The following CTXND2 variants were observed in gnomAD, a reference collection of about 807,000 sequenced individuals.
CTXND2 encodes the protein cortexin domain containing 2.
intron 1 of CTXND2, among the ~76,000 whole-genome samples, chr1:150,901,920 C>T (rs1669043274): frequency 6.7e-6 from 1 of 149,296 alleles, no homozygotes; most frequent in South Asian, 2.1e-4. Context: ...AGTGAGATTC[C>T]ATCTAAAAAA....
At chr1:150,908,977 C>T (rs1272734483) in intron 1 of CTXND2, among the ~76,000 whole-genome samples, 4 of 151,968 alleles carry the variant, frequency 2.6e-5, no homozygotes, top group Non-Finnish European at 5.9e-5. Flanking sequence ...CAGTGGGTCA[C>T]GCCTGTAATC....
At chr1:150,900,671 G>A (rs1571601327) in intron 1 of CTXND2, among the ~76,000 whole-genome samples, 1 of 151,736 alleles carries the variant, frequency 6.6e-6, no homozygotes, top group Non-Finnish European at 1.5e-5. Flanking sequence ...AAAAAACCCT[G>A]ACGAATAGTG....
rs587598084 is a variant in CTXND2 at position 150,899,944 on chromosome 1, C to T, written c.-73-12298C>T. 5.3e-5 allele frequency among the ~76,000 whole-genome samples: 8 copies of T among 152,248 alleles called. No individual in the cohort carries two copies. In the South Asian group the frequency reaches 1.2e-3, roughly 24 times the overall value. On this transcript the variant is annotated intron_variant, in intron 1 of 1. Coordinates refer to ENST00000636087, the Ensembl canonical transcript of CTXND2. ...CTCTGTCTAGCTAAAGATCTGTAAA[C>T]GCACCAATCAGCACTCTGTAAAAAC...
At chr1:150,900,838 AAAAC>A (rs1257807798) in intron 1 of CTXND2, among the ~76,000 whole-genome samples, 2 of 152,226 alleles carry the variant, frequency 1.3e-5, no homozygotes, top group African/African-American at 2.4e-5. Context: ...AACTGTTAAA[AAAAC>A]AATTCGAGAC....
chr1:150,902,935 A>G (rs893199920), intron 1 of CTXND2, among the ~76,000 whole-genome samples: 3 of 151,968 alleles, frequency 2.0e-5, no homozygotes, highest in African/African-American at 7.2e-5. Context: ...AAGAAAACCT[A>G]TTGCCTCTTT....
chr1:150,898,496 G>A (rs1668941020), intron 1 of CTXND2, among the ~76,000 whole-genome samples: 1 of 152,078 alleles, frequency 6.6e-6, no homozygotes, highest in South Asian at 2.1e-4. Context: ...GGTGGCTCAA[G>A]CTTGTAATCC....
intron 1 of CTXND2, among the ~76,000 whole-genome samples, chr1:150,892,884 A>T (rs1668871148): frequency 6.6e-6 from 1 of 152,100 alleles, no homozygotes; most frequent in South Asian, 2.1e-4. Context: ...CATACGTTTA[A>T]GAAAATTGAT....
At chr1:150,887,262 G>A (rs1668786681) in exon 1 of CTXND2, 1 of 152,184 alleles carries the variant, frequency 6.6e-6, no homozygotes, top group African/African-American at 2.4e-5. Flanking sequence ...TGAGTAGGAG[G>A]AGACTGCCCT....
At chr1:150,897,527 T>C (rs587769650) in intron 1 of CTXND2, among the ~76,000 whole-genome samples, 8 of 152,238 alleles carry the variant, frequency 5.3e-5, no homozygotes, top group African/African-American at 1.9e-4. Context: ...TTTCTCCATG[T>C]TGCCTAGGCT....
At chr1:150,890,995 G>A (rs1668842882) in intron 1 of CTXND2, among the ~76,000 whole-genome samples, 2 of 152,056 alleles carry the variant, frequency 1.3e-5, no homozygotes, top group Non-Finnish European at 1.5e-5. Flanking sequence ...ACCACTCCCA[G>A]CTGAGTTTAT....
rs1007351792 is a variant in CTXND2 at position 150,901,085 on chromosome 1, C to T, written c.-73-11157C>T. Among the ~76,000 whole-genome samples, 7 of 152,256 alleles carry T rather than the reference C, an allele frequency of 4.6e-5. No individual in the cohort carries two copies. The East Asian group carries it at 5.8e-4, about 13-fold the overall frequency. ...CACGATCATGCCACTGCACTCCAGCCTGGGTGACAGAGTGAGACCCTGTCT... is the reference window on the plus strand; with the variant it reads ...CACGATCATGCCACTGCACTCCAGCTTGGGTGACAGAGTGAGACCCTGTCT... On this transcript the variant is annotated intron_variant, in intron 1 of 1. Transcript: ENST00000636087.
At chr1:150,892,528 CTTTTTTTTTT>C (rs5777740) in intron 1 of CTXND2, among the ~76,000 whole-genome samples, 218 of 123,338 alleles carry the variant, frequency 1.8e-3, no homozygotes, top group African/African-American at 6.2e-3. Context: ...TCTTCTTCTT[CTTTTTTTTTT>C]TTTTTTTTTT....
intron 1 of CTXND2, among the ~76,000 whole-genome samples, chr1:150,895,054 CATATATATATAT>C (rs766325719): frequency 6.7e-6 from 1 of 149,272 alleles, no homozygotes; most frequent in African/African-American, 2.5e-5. Context: ...TATATATATA[CATATATATATAT>C]ATGATGCTTT....
At chr1:150,893,206 T>C in intron 1 of CTXND2, among the ~76,000 whole-genome samples, 1 of 152,226 alleles carries the variant, frequency 6.6e-6, no homozygotes, top group Non-Finnish European at 1.5e-5. Context: ...ATGTATCTTA[T>C]CCAGCCACCT....
chr1:150,902,167 A>C (rs1168769454), intron 1 of CTXND2, among the ~76,000 whole-genome samples: 1 of 151,454 alleles, frequency 6.6e-6, no homozygotes, highest in Non-Finnish European at 1.5e-5. Flanking sequence ...TTTGGGGGGC[A>C]GAGGCGGGCA....
intron 1 of CTXND2, among the ~76,000 whole-genome samples, chr1:150,909,879 T>C (rs1047241316): frequency 1.3e-5 from 2 of 152,080 alleles, no homozygotes; most frequent in African/African-American, 2.4e-5. Flanking sequence ...GAGGTTTATA[T>C]AGCAAGGAAG....
At chr1:150,898,059 AT>A (rs1426876779) in intron 1 of CTXND2, among the ~76,000 whole-genome samples, 1 of 152,000 alleles carries the variant, frequency 6.6e-6, no homozygotes, top group Non-Finnish European at 1.5e-5. Flanking sequence ...GCTTTTTTCT[AT>A]TTAAGAGACA....
intron 1 of CTXND2, among the ~76,000 whole-genome samples, chr1:150,898,628 C>T (rs61817649): frequency 0.074 from 11,197 of 150,876 alleles, 567 homozygotes; most frequent in East Asian, 0.18. Context: ...TGGTGGTGCC[C>T]GCCTGTAGTC....
chr1:150,910,956 C>T (rs187970771), intron 1 of CTXND2, among the ~76,000 whole-genome samples: 92 of 152,208 alleles, frequency 6.0e-4, no homozygotes, highest in African/African-American at 1.9e-3. Flanking sequence ...AGGTGCCCAC[C>T]ACCACGCCCA....
Sources: gnomAD v4.1 joint callset for allele counts (sites outside exome capture counted in the v4.1 genomes callset) on GRCh38, gnomAD v4.1.1 for gene constraint, MANE v1.5 for transcripts, NCBI Gene and HGNC (gene_info 2026-07-23, HGNC 2026-07-21) for gene names.